The following CTH variants were observed in gnomAD, a reference collection of about 807,000 sequenced individuals.
The protein encoded by CTH is cystathionase (cystathionine gamma-lyase).
CTH carries 41 observed loss-of-function variants against 50.6 expected under a neutral mutation model. That is an observed-to-expected ratio of 0.81 (90% confidence interval 0.63 to 1.05). The LOEUF (loss-of-function observed/expected upper bound fraction) is 1.05, where lower values mean the gene tolerates loss of function less well. Ranked by LOEUF, CTH falls within the 50% of genes least tolerant of loss-of-function variation. The probability of loss-of-function intolerance (pLI) is 0.00; values close to 1 mark genes in which losing one functional copy is unlikely to be tolerated. For missense variants in CTH, 470 were observed against 492.6 expected, an observed-to-expected ratio of 0.95 and a Z score of 0.43; for synonymous variants, 156 against 168.9, an observed-to-expected ratio of 0.92 and a Z score of 0.59.
chr1:70,427,124 AT>A (rs1235435201), intron 5 of CTH, among the ~76,000 whole-genome samples: 1 of 152,168 alleles, frequency 6.6e-6, no homozygotes, highest in Non-Finnish European at 1.5e-5. Flanking sequence ...CCTGAAAAAA[AT>A]CTTCTCATTG....
intron 5 of CTH, among the ~76,000 whole-genome samples, chr1:70,429,269 A>T (rs1385782704): frequency 1.3e-5 from 2 of 152,120 alleles, no homozygotes; most frequent in Non-Finnish European, 2.9e-5. Context: ...TGGATGTGAA[A>T]CCCACACATA....
intron 4 of CTH, 102 bp downstream of exon 4, chr1:70,421,777 T>G: frequency 5.0e-6 from 6 of 1,212,016 alleles, no homozygotes; most frequent in Non-Finnish European, 7.2e-6. Context: ...TAACAAATTT[T>G]ATTTTATGCC....
chr1:70,423,360 C>A (rs1483481388), intron 4 of CTH, among the ~76,000 whole-genome samples: 1 of 148,528 alleles, frequency 6.7e-6, no homozygotes, highest in Non-Finnish European at 1.5e-5. Flanking sequence ...TCACTTGAAC[C>A]AGGAGTTCAA....
chr1:70,426,954 A>G (rs1684357924), intron 5 of CTH, among the ~76,000 whole-genome samples: 1 of 152,148 alleles, frequency 6.6e-6, no homozygotes, highest in South Asian at 2.1e-4. Flanking sequence ...ACTGTCACTA[A>G]CATAGGTCTA....
At chr1:70,434,597 G>GTT (rs958088555) in intron 9 of CTH, among the ~76,000 whole-genome samples, 1 of 144,554 alleles carries the variant, frequency 6.9e-6, no homozygotes, top group African/African-American at 2.5e-5. Flanking sequence ...AAAAACAGTG[G>GTT]TTTTTTTTTT....
chr1:70,414,642 G>C (rs559738304), intron 1 of CTH, among the ~76,000 whole-genome samples: 3 of 152,128 alleles, frequency 2.0e-5, no homozygotes, highest in Non-Finnish European at 2.9e-5. Flanking sequence ...GTGAAGCAGA[G>C]GGAGAAAATT....
intron 4 of CTH, among the ~76,000 whole-genome samples, chr1:70,421,900 A>G (rs1414153653): frequency 1.3e-5 from 2 of 152,208 alleles, no homozygotes. Flanking sequence ...TATCTTAGTT[A>G]GTATATTATC....
intron 5 of CTH, among the ~76,000 whole-genome samples, chr1:70,426,885 C>T (rs1196696842): frequency 6.6e-6 from 1 of 152,146 alleles, no homozygotes; most frequent in Non-Finnish European, 1.5e-5. Context: ...AGATTGCATA[C>T]GTTTTGTAGC....
chr1:70,420,567 C>T (rs1684196703), intron 3 of CTH, among the ~76,000 whole-genome samples: 1 of 152,144 alleles, frequency 6.6e-6, no homozygotes, highest in African/African-American at 2.4e-5. Context: ...CGCTGCTCAC[C>T]TCCTGCTGTG....
chr1:70,418,098 A>G, intron 3 of CTH, 66 bp downstream of exon 3: 1 of 1,549,512 alleles, frequency 6.5e-7, no homozygotes, highest in Non-Finnish European at 8.9e-7. Context: ...TGAGCCCTGA[A>G]TTAATATTAA....
At chr1:70,430,544 A>G (rs1684442674) in intron 7 of CTH, 150 bp downstream of exon 7, 1 of 565,930 alleles carries the variant, frequency 1.8e-6, no homozygotes, top group Admixed American at 3.4e-5. Flanking sequence ...TTTTTTATTT[A>G]TTAATTTTTT....
intron 1 of CTH, among the ~76,000 whole-genome samples, chr1:70,413,533 G>A (rs776345935): frequency 6.6e-6 from 1 of 151,298 alleles, no homozygotes; most frequent in East Asian, 2.0e-4. Context: ...CAAAGTGCTG[G>A]GATTACAGGT....
intron 4 of CTH, among the ~76,000 whole-genome samples, chr1:70,422,235 G>A (rs573281623): frequency 1.2e-3 from 187 of 152,278 alleles, no homozygotes; most frequent in African/African-American, 4.3e-3. Flanking sequence ...AGTTAGATGT[G>A]GAGAATAGGC....
intron 8 of CTH, among the ~76,000 whole-genome samples, chr1:70,432,617 T>C (rs927282384): frequency 1.3e-5 from 2 of 152,094 alleles, no homozygotes; most frequent in African/African-American, 2.4e-5. Flanking sequence ...TTTAATCTGA[T>C]AGAGGTTTGT....
intron 5 of CTH, among the ~76,000 whole-genome samples, chr1:70,426,295 CTTCTTCCTGCTCTT>C (rs1684345082): frequency 6.6e-6 from 1 of 152,086 alleles, no homozygotes; most frequent in South Asian, 2.1e-4. Flanking sequence ...TAGGAGATAC[CTTCTTCCTGCTCTT>C]TTCTTCCTGC....
intron 4 of CTH, among the ~76,000 whole-genome samples, chr1:70,422,609 C>CTTTT (rs57429096): frequency 3.9e-5 from 5 of 127,166 alleles, no homozygotes; most frequent in African/African-American, 8.8e-5. Context: ...TGGTCTGAGT[C>CTTTT]TTTTTTTTTT....
At chr1:70,425,743 C>T (rs141100790) in intron 5 of CTH, among the ~76,000 whole-genome samples, 225 of 152,260 alleles carry the variant, frequency 1.5e-3, no homozygotes, top group African/African-American at 4.9e-3. Flanking sequence ...GTGCTACACA[C>T]TTTTAAACAA....
chr1:70,414,728 G>A (rs113005919), intron 1 of CTH, among the ~76,000 whole-genome samples: 1 of 152,090 alleles, frequency 6.6e-6, no homozygotes, highest in South Asian at 2.1e-4. Flanking sequence ...ATTGCATTTG[G>A]CTTCACTTTC....
intron 4 of CTH, among the ~76,000 whole-genome samples, chr1:70,423,281 AAAAG>A (rs552597403): frequency 1.1e-3 from 168 of 152,124 alleles, no homozygotes; most frequent in African/African-American, 3.8e-3. Flanking sequence ...AGGTAATAAA[AAAAG>A]AATCAGCTGG....
Sources: allele counts gnomAD v4.1 joint callset (sites outside exome capture counted in the v4.1 genomes callset), GRCh38; gene constraint gnomAD v4.1.1; transcripts MANE v1.5; gene names NCBI Gene and HGNC (gene_info 2026-07-23, HGNC 2026-07-21).